The following XRCC5 variants were observed in gnomAD, a reference collection of about 807,000 sequenced individuals.
XRCC5 encodes the protein DNA repair protein Ku80.
Under a neutral mutation model 95.7 loss-of-function variants are expected in XRCC5, and 12 were observed. The ratio of observed to expected loss-of-function variants is 0.13; its 90% CI spans 0.08 to 0.20. The LOEUF (loss-of-function observed/expected upper bound fraction) is 0.20. Among genes scored for constraint, XRCC5 ranks in the 10% least tolerant of loss-of-function variants. The pLI, the probability that XRCC5 is intolerant of heterozygous loss-of-function variation, is 1.00. For missense variants in XRCC5, 595 were observed against 873.9 expected, an observed-to-expected ratio of 0.68 and a Z score of 4.02; for synonymous variants, 281 against 290.3, an observed-to-expected ratio of 0.97 and a Z score of 0.33.
At chr2:216,137,258 C>G (rs1697099405) in intron 11 of XRCC5, 33 bp downstream of exon 11, 2 of 1,594,870 alleles carry the variant, frequency 1.3e-6, no homozygotes, top group African/African-American at 1.4e-5. Context: ...TATTTTTTTT[C>G]TTCAGTTCCT....
At chr2:216,140,490 G>T (rs980868763) in intron 12 of XRCC5, among the ~76,000 whole-genome samples, 15 of 152,192 alleles carry the variant, frequency 9.9e-5, no homozygotes, top group African/African-American at 3.4e-4. Context: ...TGACTGAGTA[G>T]ATTTTTATTG....
chr2:216,167,725 G>A (rs1056525714), intron 16 of XRCC5, among the ~76,000 whole-genome samples: 9 of 152,002 alleles, frequency 5.9e-5, no homozygotes, highest in Non-Finnish European at 8.8e-5. Flanking sequence ...TCTACACAGC[G>A]CTGGTAAATT....
chr2:216,157,225 T>G (rs1431849196), intron 14 of XRCC5, among the ~76,000 whole-genome samples: 2 of 102,382 alleles, frequency 2.0e-5, no homozygotes, highest in Admixed American at 8.3e-5. Flanking sequence ...TTCTTTTTTT[T>G]TTGTTTTTTT....
intron 16 of XRCC5, among the ~76,000 whole-genome samples, chr2:216,169,780 T>G (rs368453154): frequency 4.1e-4 from 62 of 151,344 alleles, no homozygotes; most frequent in African/African-American, 1.5e-3. Context: ...GCGCAGTGGC[T>G]CATGGCTATA....
chr2:216,135,591 A>G (rs1697061824), intron 10 of XRCC5, among the ~76,000 whole-genome samples: 1 of 152,132 alleles, frequency 6.6e-6, no homozygotes, highest in Admixed American at 6.5e-5. Flanking sequence ...TGAGGTCAGG[A>G]GTTCGAGACC....
intron 16 of XRCC5, chr2:216,175,568 C>T (rs944969494): frequency 7.1e-5 from 28 of 393,996 alleles, no homozygotes; most frequent in Non-Finnish European, 4.9e-6. Context: ...TCATCCATAA[C>T]TTGTATGGTT....
chr2:216,161,075 T>G (rs1421080149), intron 15 of XRCC5, among the ~76,000 whole-genome samples: 1 of 152,152 alleles, frequency 6.6e-6, no homozygotes, highest in Non-Finnish European at 1.5e-5. Context: ...CACAATGTAC[T>G]AGGAAGGATA....
rs775111782 is a variant in XRCC5, at chr2:216,116,647, A to T, written c.136-12A>T. 2 of 1,613,732 alleles carry T rather than the reference A, an allele frequency of 1.2e-6. No individual in the cohort carries two copies. The highest frequency in any genetic ancestry group is 1.7e-5 in the Admixed American group (1 of 59,948). On this transcript the variant is annotated splice_polypyrimidine_tract_variant and intron_variant, in intron 2 of 20. Coordinates refer to ENST00000392132, the MANE Select transcript of XRCC5 (RefSeq NM_021141.4). The stretch of plus-strand genomic sequence containing the variant: ...CTAATATGGTTTTCAGCCATCTGAC[A>T]TTTTTTTCTAGGTGTTTGCTGAGAA...
chr2:216,123,665 G>T (rs1180372274), intron 6 of XRCC5, among the ~76,000 whole-genome samples: 1 of 152,128 alleles, frequency 6.6e-6, no homozygotes, highest in Non-Finnish European at 1.5e-5. Flanking sequence ...AATTAGCTGG[G>T]CATGGTGGTG....
chr2:216,205,570 T>A lies in XRCC5; in HGVS notation c.*368T>A, dbSNP rs1459784833. ...CCCTTGTGATGTGATTAGTGTCTCATGTGGAACCATGGCATGGTTATTGAT... is the reference window on the plus strand; with the variant it reads ...CCCTTGTGATGTGATTAGTGTCTCAAGTGGAACCATGGCATGGTTATTGAT... On this transcript the variant is annotated 3_prime_UTR_variant, in exon 21 of 21. Coordinates refer to ENST00000392132, the MANE Select transcript of XRCC5 (RefSeq NM_021141.4). 2 of 207,384 alleles carry A rather than the reference T, an allele frequency of 9.6e-6. No homozygotes were observed. The highest frequency in any genetic ancestry group is 4.7e-5 in the African/African-American group (2 of 42,916). 12.8% of individuals were successfully genotyped at this position (207,384 alleles called of 1,614,324 possible).
At chr2:216,137,378 G>C (rs1041930293) in intron 11 of XRCC5, among the ~76,000 whole-genome samples, 153 bp downstream of exon 11, 1 of 152,012 alleles carries the variant, frequency 6.6e-6, no homozygotes, top group African/African-American at 2.4e-5. Flanking sequence ...CAGATTCTCT[G>C]TTTCTCTCGA....
chr2:216,198,938 G>T (rs1044177633), intron 19 of XRCC5, among the ~76,000 whole-genome samples: 14 of 151,768 alleles, frequency 9.2e-5, no homozygotes, highest in African/African-American at 3.4e-4. Context: ...ATAATGGGGA[G>T]AATTGCAGAG....
intron 11 of XRCC5, 63 bp downstream of exon 11, chr2:216,137,288 T>C (rs2106012674): frequency 6.5e-7 from 1 of 1,534,872 alleles, no homozygotes; most frequent in Non-Finnish European, 8.8e-7. Context: ...GCAGTGTTTC[T>C]CAGCTGTTAA....
At chr2:216,155,680 C>A (rs1320548542) in intron 14 of XRCC5, among the ~76,000 whole-genome samples, 1 of 152,118 alleles carries the variant, frequency 6.6e-6, no homozygotes, top group Non-Finnish European at 1.5e-5. Context: ...AAGGTCACCA[C>A]TGAAGGAAAA....
chr2:216,115,294 T>C (rs1333743568), intron 2 of XRCC5, among the ~76,000 whole-genome samples: 1 of 152,172 alleles, frequency 6.6e-6, no homozygotes. Context: ...TTTGTTTGTT[T>C]GTTTTTGTTG....
At chr2:216,164,127 C>T (rs1356703451) in intron 16 of XRCC5, among the ~76,000 whole-genome samples, 2 of 152,244 alleles carry the variant, frequency 1.3e-5, no homozygotes, top group South Asian at 2.1e-4. Context: ...ACAGGGTGCT[C>T]GGAAAGTGGC....
chr2:216,175,568 C>G (rs944969494), intron 16 of XRCC5: 11 of 394,114 alleles, frequency 2.8e-5, no homozygotes, highest in Non-Finnish European at 4.4e-5. Context: ...TCATCCATAA[C>G]TTGTATGGTT....
Position 216,161,968 on chromosome 2 carries a change from G to T in XRCC5, c.1765-11G>T, listed in dbSNP as rs761692532. ...TAACCTGTAGGTTTATCATCTGTTG[G>T]TATATTTTAGGTTGGAAGTGTGAAT... is the stretch of plus-strand genomic sequence containing the variant. On this transcript the variant is annotated splice_polypyrimidine_tract_variant and intron_variant, in intron 15 of 20. Coordinates refer to ENST00000392132, the MANE Select transcript of XRCC5 (RefSeq NM_021141.4). 3 of 1,613,196 alleles carry T rather than the reference G, an allele frequency of 1.9e-6. No individual in the cohort carries two copies. In the East Asian group the frequency reaches 6.7e-5, roughly 36 times the overall value.
At chr2:216,138,011 T>C (rs1398231841) in intron 11 of XRCC5, 78 bp from the exon 12 acceptor site, 1 of 1,261,208 alleles carries the variant, frequency 7.9e-7, no homozygotes, top group Non-Finnish European at 1.1e-6. Context: ...TATGCTACTT[T>C]CACAGAATTT....
Sources: allele counts gnomAD v4.1 joint callset (sites outside exome capture counted in the v4.1 genomes callset), GRCh38; gene constraint gnomAD v4.1.1; transcripts MANE v1.5; gene names NCBI Gene and HGNC (gene_info 2026-07-23, HGNC 2026-07-21).